Variants in EP400 observed in about 807,000 individuals in gnomAD.
EP400 encodes E1A-binding protein p400.
A neutral mutation model predicts 354.1 loss-of-function variants in EP400; 105 were observed. That is an observed-to-expected ratio of 0.30 (90% CI 0.25 to 0.35). The LOEUF (loss-of-function observed/expected upper bound fraction) is 0.35. Ranked by LOEUF, EP400 falls within the 10% of genes least tolerant of loss-of-function variation. The pLI, the probability that EP400 is intolerant of heterozygous loss-of-function variation, is 1.00. For missense variants in EP400, 3,280 were observed against 4,121.0 expected, an observed-to-expected ratio of 0.80 and a Z score of 5.59; for synonymous variants, 1,646 against 1,716.9, an observed-to-expected ratio of 0.96 and a Z score of 1.02.
Position 132,045,424 on chromosome 12 carries a change from A to G in EP400, c.6890A>G (p.Lys2297Arg). Residue 2297 changes from lysine (K) to arginine (R), a missense_variant, in exon 38 of 53, where the codon AAG (lysine) becomes AGG (arginine). Lys to Arg is a conservative substitution (Grantham distance 26). This residue lies in a region of EP400 where 231 missense variants were observed against 257.9 expected (regional missense o/e 0.90). Transcript: ENST00000389561. ...CTTCTGAAAATTCGCAGAGAGGGCA[A>G]GGAGCAGAAGAAGAATATTCTGCTG... ...PGLLKIRREG[K>R]EQKKNILLKQ... 7 of 1,614,236 alleles carry G rather than the reference A, an allele frequency of 4.3e-6. No individual in the cohort carries two copies. The highest frequency in any genetic ancestry group is 5.9e-6 in the Non-Finnish European group (7 of 1,180,052).
chr12:132,059,832 C>T (rs1018065749), intron 45 of EP400, among the ~76,000 whole-genome samples: 14 of 151,518 alleles, frequency 9.2e-5, no homozygotes, highest in Admixed American at 2.6e-4. Flanking sequence ...CTGGCTAACA[C>T]GGTGAAACCC....
chr12:132,044,628 A>G, intron 35 of EP400, 43 bp from the exon 36 acceptor site: 1 of 1,613,256 alleles, frequency 6.2e-7, no homozygotes, highest in East Asian at 2.2e-5. Flanking sequence ...ATAACATGAC[A>G]CTGAGACTTG....
In EP400 at chr12:131,957,180, C is replaced by T. The variant is rs923539630; in HGVS notation, c.-35-3405C>T. ...GCCACTATGCCCAGCCTCTTTTTGT[C>T]TTTAATTAATTTTTCTACTGGGATT... On this transcript the variant is annotated intron_variant, in intron 1 of 52. Transcript: ENST00000389561. 6.6e-4 allele frequency among the ~76,000 whole-genome samples: 100 copies of T among 152,014 alleles called. 1 individual carries two copies. The highest frequency in any genetic ancestry group is 1.5e-5 in the Non-Finnish European group (1 of 67,928).
intron 23 of EP400, among the ~76,000 whole-genome samples, chr12:132,022,132 TAA>T (rs1351297284): frequency 6.6e-6 from 1 of 152,176 alleles, no homozygotes; most frequent in Non-Finnish European, 1.5e-5. Flanking sequence ...TGCCCAAAAA[TAA>T]AGAGGAATTG....
chr12:132,000,867 T>C (rs1893385372), intron 12 of EP400, among the ~76,000 whole-genome samples: 1 of 152,264 alleles, frequency 6.6e-6, no homozygotes, highest in South Asian at 2.1e-4. Context: ...TATCTCTTGC[T>C]CTGTATTCAG....
chr12:131,996,448 C>G (rs1319916908), intron 12 of EP400, among the ~76,000 whole-genome samples: 1 of 151,890 alleles, frequency 6.6e-6, no homozygotes, highest in Non-Finnish European at 1.5e-5. Flanking sequence ...CCCGCCACCA[C>G]GCCCGGCTAA....
rs553355529 is a variant in EP400, at chr12:132,000,491, A to C, written c.2828-4586A>C. On this transcript the variant is annotated intron_variant, in intron 12 of 52. Coordinates refer to ENST00000389561, the MANE Select transcript of EP400 (RefSeq NM_015409.5). ...CCAGGTAGAACTTGTTGATTGCATT[A>C]TCCAGTTCTTATCCTTACTGATTTT... 1.4e-4 allele frequency among the ~76,000 whole-genome samples: 21 copies of C among 152,344 alleles called. No individual in the cohort carries two copies. The South Asian group carries it at 4.3e-3, about 32-fold the overall frequency.
rs1025024149 is a variant in EP400, at chr12:132,031,807, G to A, written c.5755-146G>A. 17 of 704,134 alleles carry A rather than the reference G, an allele frequency of 2.4e-5. No individual in the cohort carries two copies. The Admixed American group carries it at 3.4e-4, about 14-fold the overall frequency. The allele number at this position is 704,134 out of a possible 1,614,324, so 43.6% of individuals were successfully genotyped here. ...GCTGACCTTGTGATCCACCCACCTC[G>A]GCCTCCCAAAGTGCTGGGATTACAG... On this transcript the variant is annotated intron_variant, in intron 29 of 52. Coordinates refer to ENST00000389561, the MANE Select transcript of EP400 (RefSeq NM_015409.5).
chr12:132,028,011 A>T lies in EP400; in HGVS notation c.5110-6A>T. 6.2e-7 allele frequency: 1 copy of T among 1,607,138 alleles called. No individual in the cohort carries two copies. Among genetic ancestry groups the T allele is most frequent in the Non-Finnish European group, 8.5e-7 (1 of 1,174,614 alleles). Reference sequence around the variant, plus strand: ...AGTAACTGTTTTTCATCACTTTTTGATAAAGGAGGAAAAGACCAGACTCTT... The same window carrying T: ...AGTAACTGTTTTTCATCACTTTTTGTTAAAGGAGGAAAAGACCAGACTCTT... On this transcript the variant is annotated splice_region_variant and splice_polypyrimidine_tract_variant and intron_variant, in intron 26 of 52. Transcript: ENST00000389561.
chr12:131,987,097 T>C (rs1323332471), intron 6 of EP400, among the ~76,000 whole-genome samples: 1 of 152,154 alleles, frequency 6.6e-6, no homozygotes, highest in African/African-American at 2.4e-5. Flanking sequence ...AGGGACAAGC[T>C]TGAGCGCTGG....
chr12:131,974,987 CAAA>C (rs764013155), intron 2 of EP400, among the ~76,000 whole-genome samples: 3 of 43,324 alleles, frequency 6.9e-5, no homozygotes, highest in African/African-American at 2.3e-4. Flanking sequence ...GACTCCATCT[CAAA>C]AAAAAAAAAA....
intron 15 of EP400, among the ~76,000 whole-genome samples, chr12:132,007,519 AC>A (rs1893624868): frequency 6.7e-6 from 1 of 150,328 alleles, no homozygotes; most frequent in Admixed American, 6.6e-5. Flanking sequence ...CTCCTTGTTC[AC>A]TCCCCTTCCT....
chr12:132,058,598 C>T (rs989231225), intron 45 of EP400, among the ~76,000 whole-genome samples: 6 of 152,104 alleles, frequency 3.9e-5, no homozygotes, highest in Admixed American at 1.3e-4. Context: ...GATCCACCCA[C>T]CTCAGCCTCC....
chr12:131,979,934 T>G lies in EP400; in HGVS notation c.1435+141T>G, dbSNP rs1892621808. On this transcript the variant is annotated intron_variant, in intron 3 of 52. Coordinates refer to ENST00000389561, the MANE Select transcript of EP400 (RefSeq NM_015409.5). ...GAAAATTAACCTGTCTTACAGTGATTATCAGCTGAACAATATTTACGTGAA... is the reference window on the plus strand; with the variant it reads ...GAAAATTAACCTGTCTTACAGTGATGATCAGCTGAACAATATTTACGTGAA... 8.5e-6 allele frequency: 5 copies of G among 590,096 alleles called. No individual in the cohort carries two copies. In the South Asian group the frequency reaches 1.4e-4, roughly 17 times the overall value. The allele number at this position is 590,096 out of a possible 1,614,324, so 36.6% of individuals were successfully genotyped here.
At chr12:131,970,327 G>A (rs550084823) in intron 2 of EP400, among the ~76,000 whole-genome samples, 15 of 152,328 alleles carry the variant, frequency 9.8e-5, no homozygotes, top group African/African-American at 1.7e-4. Flanking sequence ...GAGAGAATCC[G>A]TTGATGTAGA....
chr12:131,991,236 A>G (rs1461998897), intron 9 of EP400, among the ~76,000 whole-genome samples, 171 bp from the exon 10 acceptor site: 2 of 152,218 alleles, frequency 1.3e-5, no homozygotes, highest in Non-Finnish European at 2.9e-5. Context: ...TCATAGAGCC[A>G]CAAGTTAGTA....
intron 12 of EP400, among the ~76,000 whole-genome samples, chr12:132,000,883 C>A (rs1893386075): frequency 6.6e-6 from 1 of 152,236 alleles, no homozygotes; most frequent in South Asian, 2.1e-4. Context: ...TTCAGACTTT[C>A]AGTCATCTCT....
chr12:131,985,460 C>T (rs1334391062), intron 5 of EP400, among the ~76,000 whole-genome samples: 3 of 152,242 alleles, frequency 2.0e-5, no homozygotes, highest in African/African-American at 7.2e-5. Flanking sequence ...TGTGCTCTAG[C>T]GGTTCTGTCT....
rs759267680 is a variant in EP400 at position 132,021,230 on chromosome 12, G to T, written c.4599G>T (p.Pro1533=). The part of the protein sequence containing the change: ...TAQASTPGQP[P]PQPQAPSHAA... ...AGGCCTCCACCCCAGGCCAGCCCCC[G>T]CCCCAGCCCCAGGCCCCCTCGCACG... The change falls in exon 23 of 53, where the codon CCG becomes CCT. Residue 1533 remains proline, a synonymous_variant. Coordinates refer to ENST00000389561, the MANE Select transcript of EP400 (RefSeq NM_015409.5). 1 of 1,562,826 alleles carries T rather than the reference G, an allele frequency of 6.4e-7. No individual in the cohort carries two copies. The highest frequency in any genetic ancestry group is 1.1e-5 in the South Asian group (1 of 87,082).
Sources: allele counts gnomAD v4.1 joint callset (sites outside exome capture counted in the v4.1 genomes callset), GRCh38; gene constraint gnomAD v4.1.1; regional missense constraint gnomAD v4.1.1; transcripts MANE v1.5; gene names NCBI Gene and HGNC (gene_info 2026-07-23, HGNC 2026-07-21).